The following RGL1 variants were observed in gnomAD, a reference collection of about 807,000 sequenced individuals.
RGL1 encodes ral guanine nucleotide dissociation stimulator like 1.
Under a neutral mutation model 95.2 loss-of-function variants are expected in RGL1, and 24 were observed. The observed-to-expected ratio is 0.25, with a 90% CI of 0.18 to 0.35. The LOEUF (loss-of-function observed/expected upper bound fraction) is 0.35. Among genes scored for constraint, RGL1 ranks in the 10% least tolerant of loss-of-function variants. The pLI is 1.00. For missense variants in RGL1, 715 were observed against 936.3 expected (o/e 0.76, Z 3.08); for synonymous variants, 329 against 344.9 (o/e 0.95, Z 0.51).
chr1:183,756,366 A>T (rs1286403013), intron 2 of RGL1, among the ~76,000 whole-genome samples: 2 of 152,202 alleles, frequency 1.3e-5, no homozygotes, highest in Non-Finnish European at 2.9e-5. Context: ...GGGGAGTGTT[A>T]GAGAGAATGT....
chr1:183,762,522 C>A (rs1658739396), intron 2 of RGL1, among the ~76,000 whole-genome samples: 1 of 152,098 alleles, frequency 6.6e-6, no homozygotes, highest in Non-Finnish European at 1.5e-5. Flanking sequence ...GAGAAAATTA[C>A]CAAAATGTCC....
At chr1:183,669,335 T>A (rs1292069429) in intron 1 of RGL1, among the ~76,000 whole-genome samples, 1 of 152,226 alleles carries the variant, frequency 6.6e-6, no homozygotes, top group African/African-American at 2.4e-5. Context: ...TTTTTTGTAA[T>A]CTCTGTGATT....
At chr1:183,672,165 T>A (rs867538899) in intron 1 of RGL1, among the ~76,000 whole-genome samples, 23 of 152,220 alleles carry the variant, frequency 1.5e-4, no homozygotes, top group African/African-American at 5.3e-4. Context: ...ACTCCTGACC[T>A]TAGGTGATCT....
At chr1:183,855,999 C>T (rs987693473) in intron 3 of RGL1, among the ~76,000 whole-genome samples, 1 of 152,266 alleles carries the variant, frequency 6.6e-6, no homozygotes, top group East Asian at 1.9e-4. Flanking sequence ...CCAACCCACC[C>T]ATGCATGAAA....
At chr1:183,815,918 A>G (rs915434899) in intron 2 of RGL1, among the ~76,000 whole-genome samples, 3 of 152,118 alleles carry the variant, frequency 2.0e-5, no homozygotes, top group Admixed American at 6.5e-5. Context: ...GCTTTCTTAC[A>G]TGGACCCCCT....
At chr1:183,665,301 C>T (rs551026549) in intron 1 of RGL1, among the ~76,000 whole-genome samples, 57 of 152,162 alleles carry the variant, frequency 3.7e-4, no homozygotes, top group African/African-American at 1.3e-3. Context: ...CTAATACTTT[C>T]GTTGAGAATT....
chr1:183,831,289 C>T (rs1663242972), intron 2 of RGL1, among the ~76,000 whole-genome samples: 1 of 152,120 alleles, frequency 6.6e-6, no homozygotes, highest in African/African-American at 2.4e-5. Context: ...GGAACAAATG[C>T]AAAGATCCTT....
chr1:183,656,308 G>A (rs1651161181), intron 1 of RGL1, among the ~76,000 whole-genome samples: 1 of 152,120 alleles, frequency 6.6e-6, no homozygotes, highest in Admixed American at 6.6e-5. Flanking sequence ...TAAAGTTTTG[G>A]TCAGTGTCAA....
chr1:183,797,256 G>A (rs1028519522), intron 2 of RGL1, among the ~76,000 whole-genome samples: 1 of 152,178 alleles, frequency 6.6e-6, no homozygotes, highest in Non-Finnish European at 1.5e-5. Flanking sequence ...TTGAACCCAG[G>A]AGCCGGCAGT....
At chr1:183,797,546 A>G (rs1660761433) in intron 2 of RGL1, among the ~76,000 whole-genome samples, 1 of 152,324 alleles carries the variant, frequency 6.6e-6, no homozygotes, top group South Asian at 2.1e-4. Flanking sequence ...TAAAAACGTA[A>G]TAACAGAGCA....
chr1:183,907,126 G>C (rs1298416454), intron 14 of RGL1, 25 bp downstream of exon 14: 3 of 1,405,918 alleles, frequency 2.1e-6, no homozygotes, highest in African/African-American at 1.4e-5. Context: ...GGGGTTCTGG[G>C]GCTCCAAGAG....
At chr1:183,672,222 G>A (rs899307344) in intron 1 of RGL1, among the ~76,000 whole-genome samples, 31 of 152,002 alleles carry the variant, frequency 2.0e-4, no homozygotes, top group Admixed American at 1.8e-3. Context: ...CATGAGCCAT[G>A]GCGCCCAGCC....
At chr1:183,875,766 C>G (rs1666456061) in intron 4 of RGL1, among the ~76,000 whole-genome samples, 1 of 151,102 alleles carries the variant, frequency 6.6e-6, no homozygotes, top group Non-Finnish European at 1.5e-5. Context: ...GTAATCCCAG[C>G]TACTCGGGAG....
chr1:183,881,328 G>A (rs187758674), intron 5 of RGL1, among the ~76,000 whole-genome samples: 3 of 152,264 alleles, frequency 2.0e-5, no homozygotes, highest in East Asian at 1.9e-4. Context: ...TCACTGTAAC[G>A]GGTCCCCTGC....
chr1:183,917,147 G>C (rs1309301740), intron 16 of RGL1, among the ~76,000 whole-genome samples: 1 of 152,138 alleles, frequency 6.6e-6, no homozygotes, highest in East Asian at 1.9e-4. Context: ...CCTGATGGCA[G>C]ATTTTTGTCA....
chr1:183,901,782 G>T (rs2102699612), intron 11 of RGL1, among the ~76,000 whole-genome samples: 1 of 152,068 alleles, frequency 6.6e-6, no homozygotes, highest in Admixed American at 6.6e-5. Flanking sequence ...CAACTTGTTA[G>T]TAGCAGCAAT....
chr1:183,854,438 T>A (rs891833660), intron 3 of RGL1, among the ~76,000 whole-genome samples: 1 of 152,202 alleles, frequency 6.6e-6, no homozygotes, highest in African/African-American at 2.4e-5. Context: ...ATTCTTTATG[T>A]CGCCTGGAGT....
Position 183,927,244 on chromosome 1 carries a change from A to C in RGL1, c.*952A>C, listed in dbSNP as rs1669667639. Reference sequence around the variant, plus strand: ...TCTCTGATTGCCTTTTGCATGTAAAACTATGTGTCTGGAGTCTTTTGCCAT... The same window carrying C: ...TCTCTGATTGCCTTTTGCATGTAAACCTATGTGTCTGGAGTCTTTTGCCAT... On this transcript the variant is annotated 3_prime_UTR_variant, in exon 18 of 18. Transcript: ENST00000360851. 1 of 152,472 alleles carries C rather than the reference A, an allele frequency of 6.6e-6. No homozygotes were observed. The highest frequency in any genetic ancestry group is 2.1e-4 in the South Asian group (1 of 4,822). 9.4% of individuals were successfully genotyped at this position (152,472 alleles called of 1,614,324 possible).
rs746436938 is a variant in RGL1, at chr1:183,900,176, C to T, written c.1257C>T (p.Tyr419=). 2 of 1,613,768 alleles carry T rather than the reference C, an allele frequency of 1.2e-6. No homozygotes were observed. Among genetic ancestry groups the T allele is most frequent in the Non-Finnish European group, 1.7e-6 (2 of 1,179,672 alleles). Reference sequence around the variant, plus strand: ...GTGTGATGCAGGGAACTGTGCCCTACCTGGGCACCTTCCTGACTGACCTGA... The same window carrying T: ...GTGTGATGCAGGGAACTGTGCCCTATCTGGGCACCTTCCTGACTGACCTGA... ...DMGVMQGTVP[Y]LGTFLTDLTM... The change falls in exon 11 of 18, where the codon TAC becomes TAT. Residue 419 remains tyrosine, a synonymous_variant. Transcript: ENST00000360851.
Sources: allele counts gnomAD v4.1 joint callset (sites outside exome capture counted in the v4.1 genomes callset), GRCh38; gene constraint gnomAD v4.1.1; transcripts MANE v1.5; gene names NCBI Gene and HGNC (gene_info 2026-07-23, HGNC 2026-07-21).